Variants in FAF2 observed in about 807,000 individuals in gnomAD.
FAF2 encodes the protein FAS-associated factor 2.
A neutral mutation model predicts 62.3 loss-of-function variants in FAF2; 9 were observed. That is an observed-to-expected ratio of 0.14 (90% CI 0.09 to 0.25). FAF2 has a LOEUF of 0.25. Among genes scored for constraint, FAF2 ranks in the 10% least tolerant of loss-of-function variants. The pLI is 1.00. For missense variants in FAF2, 368 were observed against 556.2 expected, an observed-to-expected ratio of 0.66 and a Z score of 3.40; for synonymous variants, 202 against 198.0, an observed-to-expected ratio of 1.02 and a Z score of -0.17.
chr5:176,492,121 CTG>C, intron 4 of FAF2, 71 bp from the exon 5 acceptor site: 1 of 1,569,704 alleles, frequency 6.4e-7, no homozygotes, highest in Admixed American at 1.7e-5. Flanking sequence ...TTACAGGAAT[CTG>C]TACAAATTGG....
At chr5:176,505,869 G>A (rs899258025) in intron 10 of FAF2, among the ~76,000 whole-genome samples, 4 of 151,988 alleles carry the variant, frequency 2.6e-5, no homozygotes, top group African/African-American at 9.7e-5. Flanking sequence ...TGATTGATGG[G>A]CTTAAAACTG....
At chr5:176,475,070 G>C (rs1758663373) in intron 1 of FAF2, among the ~76,000 whole-genome samples, 1 of 152,106 alleles carries the variant, frequency 6.6e-6, no homozygotes, top group Non-Finnish European at 1.5e-5. Flanking sequence ...TAGGTTAAGT[G>C]TTTCAGTATA....
intron 1 of FAF2, among the ~76,000 whole-genome samples, chr5:176,464,487 C>CT (rs142550204): frequency 2.4e-4 from 19 of 79,974 alleles, no homozygotes; most frequent in East Asian, 3.7e-4. Flanking sequence ...CAAGCTGATT[C>CT]TTTTTTTTTT....
intron 2 of FAF2, among the ~76,000 whole-genome samples, chr5:176,480,538 A>C (rs1457691721): frequency 6.6e-6 from 1 of 151,992 alleles, no homozygotes; most frequent in African/African-American, 2.4e-5. Context: ...CTAGCCTCCC[A>C]AATAGCTGGG....
chr5:176,479,017 C>T (rs929632205), intron 1 of FAF2, among the ~76,000 whole-genome samples, 171 bp from the exon 2 acceptor site: 2 of 152,180 alleles, frequency 1.3e-5, no homozygotes, highest in African/African-American at 4.8e-5. Context: ...CTTTACGCAT[C>T]TAGAACAGTC....
intron 4 of FAF2, 122 bp downstream of exon 4, chr5:176,489,149 CT>C: frequency 1.6e-6 from 1 of 629,956 alleles, no homozygotes; most frequent in Non-Finnish European, 2.8e-6. Context: ...ATGGAATACA[CT>C]TCCCGAACTG....
intron 10 of FAF2, among the ~76,000 whole-genome samples, chr5:176,502,608 A>G (rs766385809): frequency 3.9e-5 from 6 of 152,068 alleles, no homozygotes; most frequent in Non-Finnish European, 1.5e-5. Flanking sequence ...AAACCTAACA[A>G]AAATTTACTC....
rs1758181995 is a variant in FAF2 at position 176,451,833 on chromosome 5, T to TATATATAC, written c.63+3370_63+3371insCATATATA. Among the ~76,000 whole-genome samples, 25 of 42,548 alleles carry TATATATAC rather than the reference T, an allele frequency of 5.9e-4. 1 individual carries two copies. The highest frequency in any genetic ancestry group is 1.3e-3 in the East Asian group (2 of 1,566). The allele number at this position is 42,548 out of a possible 152,430, so 27.9% of individuals were successfully genotyped here. ...ATACACACATATATATATATACATA[T>TATATATAC]ATATATATACACACATATATATACA... is the stretch of plus-strand genomic sequence containing the variant. On this transcript the variant is annotated intron_variant, in intron 1 of 10. Coordinates refer to ENST00000261942, the MANE Select transcript of FAF2 (RefSeq NM_014613.3).
In FAF2 at chr5:176,508,173, T is replaced by C. The variant is rs1309875207; in HGVS notation, c.*1223T>C. 3 of 152,632 alleles carry C rather than the reference T, an allele frequency of 2.0e-5. No individual in the cohort carries two copies. Among genetic ancestry groups the C allele is most frequent in the Non-Finnish European group, 4.4e-5 (3 of 68,052 alleles). 9.5% of individuals were successfully genotyped at this position (152,632 alleles called of 1,614,324 possible). A position where few individuals can be genotyped will look rare whatever the true frequency, so the allele number is the denominator to read the frequency against. On this transcript the variant is annotated 3_prime_UTR_variant, in exon 11 of 11. Coordinates refer to ENST00000261942, the MANE Select transcript of FAF2 (RefSeq NM_014613.3). Reference sequence around the variant, plus strand: ...TTCTGGAGGCAGCTTTTATCCTTTCTCTCTATTGCTATGTTGAAGTAATAG... The same window carrying C: ...TTCTGGAGGCAGCTTTTATCCTTTCCCTCTATTGCTATGTTGAAGTAATAG...
At chr5:176,498,829 A>G in intron 8 of FAF2, 85 bp from the exon 9 acceptor site, 3 of 1,281,874 alleles carry the variant, frequency 2.3e-6, no homozygotes, top group Non-Finnish European at 1.0e-6. Flanking sequence ...TTACACACAC[A>G]CACACACAGA....
Position 176,471,309 on chromosome 5 carries a change from A to G in FAF2, c.64-7879A>G, listed in dbSNP as rs114689378. The stretch of plus-strand genomic sequence containing the variant: ...TAAAATGTGCATATGATCATGTCAC[A>G]TGTCACTGGCACTAAATTTAGAATG... On this transcript the variant is annotated intron_variant, in intron 1 of 10. Coordinates refer to ENST00000261942, the MANE Select transcript of FAF2 (RefSeq NM_014613.3). 3.0e-3 allele frequency among the ~76,000 whole-genome samples: 459 copies of G among 151,510 alleles called. 4 individuals are homozygous for G. Among genetic ancestry groups the G allele is most frequent in the African/African-American group, 0.011 (436 of 41,248 alleles).
At chr5:176,492,789 C>T (rs1758996657) in intron 5 of FAF2, among the ~76,000 whole-genome samples, 2 of 152,202 alleles carry the variant, frequency 1.3e-5, no homozygotes, top group South Asian at 4.1e-4. Flanking sequence ...TCCCTTTGTT[C>T]TTCCATAGCT....
chr5:176,507,373 G>T lies in FAF2; in HGVS notation c.*423G>T. ...CCAGCTACTTGCAGCATCTCCTGAG[G>T]ACTTGCTTCTCCTGCCTCTGGGGAA... On this transcript the variant is annotated 3_prime_UTR_variant, in exon 11 of 11. Coordinates refer to ENST00000261942, the MANE Select transcript of FAF2 (RefSeq NM_014613.3). 1 of 449,256 alleles carries T rather than the reference G, an allele frequency of 2.2e-6. No homozygotes were observed. The highest frequency in any genetic ancestry group is 4.5e-6 in the Non-Finnish European group (1 of 223,338). The allele number at this position is 449,256 out of a possible 1,614,324, so 27.8% of individuals were successfully genotyped here.
chr5:176,481,444 T>C (rs62402533), intron 2 of FAF2, among the ~76,000 whole-genome samples: 10,636 of 151,990 alleles, frequency 0.07, 417 homozygotes, highest in Middle Eastern at 0.16. Flanking sequence ...GATCACGAGG[T>C]CAGGAGAACG....
chr5:176,496,846 G>C lies in FAF2; in HGVS notation c.839+183G>C, dbSNP rs114838940. On this transcript the variant is annotated intron_variant, in intron 8 of 10. Coordinates refer to ENST00000261942, the MANE Select transcript of FAF2 (RefSeq NM_014613.3). ...TAAATTACTCTATATCAGGTAATCT[G>C]TTCTTAGAGATGTTCAAAATAAAGA... 5.3e-3 allele frequency: 2,152 copies of C among 408,808 alleles called. 53 individuals are homozygous for C. The highest frequency in any genetic ancestry group is 0.04 in the African/African-American group (1,929 of 48,536). The allele number at this position is 408,808 out of a possible 1,614,324, so 25.3% of individuals were successfully genotyped here.
At chr5:176,454,577 GAAAAAAAAAAAAAAAAAAA>G (rs56324116) in intron 1 of FAF2, among the ~76,000 whole-genome samples, 6 of 95,306 alleles carry the variant, frequency 6.3e-5, no homozygotes, top group South Asian at 3.1e-4. Flanking sequence ...GATTCTGTCT[GAAAAAAAAAAAAAAAAAAA>G]AAAAAAAAAA....
At chr5:176,481,453 C>T (rs1289262849) in intron 2 of FAF2, among the ~76,000 whole-genome samples, 5 of 152,142 alleles carry the variant, frequency 3.3e-5, no homozygotes, top group East Asian at 3.9e-4. Flanking sequence ...GTCAGGAGAA[C>T]GAGATCATCC....
intron 1 of FAF2, among the ~76,000 whole-genome samples, chr5:176,470,493 C>CTT (rs1758547047): frequency 6.6e-6 from 1 of 152,266 alleles, no homozygotes; most frequent in Admixed American, 6.5e-5. Flanking sequence ...AGGAGAATCA[C>CTT]TTGAACCCGG....
Position 176,499,067 on chromosome 5 carries a change from A to G in FAF2, c.993A>G (p.Ala331=). ...KEEEVQQQKL[A]EERRRQNLQE... ...AGGAGGTGCAACAGCAAAAGTTGGC[A>G]GAGGAGAGACGGCGGCAGGTAATGG... The change falls in exon 9 of 11, where the codon GCA becomes GCG. Residue 331 remains alanine (A), a synonymous_variant. Transcript: ENST00000261942. 1.3e-6 allele frequency: 2 copies of G among 1,598,548 alleles called. No individual in the cohort carries two copies. Among genetic ancestry groups the G allele is most frequent in the Non-Finnish European group, 1.7e-6 (2 of 1,171,416 alleles).
Sources: allele counts gnomAD v4.1 joint callset (sites outside exome capture counted in the v4.1 genomes callset), GRCh38; gene constraint gnomAD v4.1.1; transcripts MANE v1.5; gene names NCBI Gene and HGNC (gene_info 2026-07-23, HGNC 2026-07-21).